Variants in CDH4 observed in about 807,000 individuals in gnomAD.
CDH4 encodes the protein cadherin 4, also known as cadherin-4.
In CDH4, 33 loss-of-function variants were observed where a neutral mutation model predicts 86.0. The observed-to-expected ratio is 0.38, with a 90% CI of 0.29 to 0.51. The LOEUF (loss-of-function observed/expected upper bound fraction) is 0.51. Ranked by LOEUF, CDH4 falls within the 20% of genes least tolerant of loss-of-function variation. CDH4 has a pLI of 0.86. For missense variants in CDH4, 1,114 were observed against 1,307.4 expected (o/e 0.85, Z 2.28); for synonymous variants, 555 against 549.4 (o/e 1.01, Z -0.14).
At chr20:61,620,277 G>A (rs1326113763) in intron 2 of CDH4, among the ~76,000 whole-genome samples, 1 of 151,348 alleles carries the variant, frequency 6.6e-6, no homozygotes, top group East Asian at 1.9e-4. Context: ...GTGGGTAGAT[G>A]GTTGATGGAT....
chr20:61,399,379 G>T lies in CDH4; in HGVS notation c.169+144442G>T, dbSNP rs1374848396. Among the ~76,000 whole-genome samples the T allele has an allele frequency of 1.3e-4, 19 of 146,218 alleles. 7 individuals carry two copies. The highest frequency in any genetic ancestry group is 1.5e-5 in the Non-Finnish European group (1 of 66,776). ...GATCTCCTGACCTCATGATCCACCCGCCTCAGCCTCCCAAAGTGCTGGGAT... is the reference window on the plus strand; with the variant it reads ...GATCTCCTGACCTCATGATCCACCCTCCTCAGCCTCCCAAAGTGCTGGGAT... On this transcript the variant is annotated intron_variant, in intron 2 of 15. Coordinates refer to ENST00000614565, the MANE Select transcript of CDH4 (RefSeq NM_001794.5).
At chr20:61,885,445 T>C (rs909463090) in intron 7 of CDH4, among the ~76,000 whole-genome samples, 1 of 152,200 alleles carries the variant, frequency 6.6e-6, no homozygotes, top group African/African-American at 2.4e-5. Context: ...AGCGTCACCG[T>C]GGTAGTTCGT....
chr20:61,707,016 G>A (rs934681835), intron 2 of CDH4, among the ~76,000 whole-genome samples: 2 of 152,228 alleles, frequency 1.3e-5, no homozygotes, highest in Non-Finnish European at 2.9e-5. Context: ...CAATCTCAAA[G>A]GCAACACTGT....
At chr20:61,798,290 C>A (rs1407205193) in intron 4 of CDH4, among the ~76,000 whole-genome samples, 1 of 152,186 alleles carries the variant, frequency 6.6e-6, no homozygotes, top group Middle Eastern at 3.2e-3. Flanking sequence ...TCCCGCCTCG[C>A]ACGCATCCCC....
chr20:61,793,437 C>A (rs1406029143), intron 4 of CDH4, among the ~76,000 whole-genome samples: 1 of 152,196 alleles, frequency 6.6e-6, no homozygotes, highest in Non-Finnish European at 1.5e-5. Flanking sequence ...TAAAAAGGCT[C>A]TGGGGGCTAG....
Position 61,428,594 on chromosome 20 carries a change from C to A in CDH4, c.169+173657C>A, listed in dbSNP as rs564738674. Among the ~76,000 whole-genome samples, 5 of 152,236 alleles carry A rather than the reference C, an allele frequency of 3.3e-5. No individual in the cohort carries two copies. In the East Asian group the frequency reaches 5.8e-4, roughly 18 times the overall value. On this transcript the variant is annotated intron_variant, in intron 2 of 15. Coordinates refer to ENST00000614565, the MANE Select transcript of CDH4 (RefSeq NM_001794.5). ...TATGCAGTGTTCAATAAGAACAAAC[C>A]ACTGCCCTTTACCACGCGGACCACA...
At chr20:61,459,609 C>A (rs756941217) in intron 2 of CDH4, among the ~76,000 whole-genome samples, 1 of 150,506 alleles carries the variant, frequency 6.6e-6, no homozygotes, top group East Asian at 2.0e-4. Context: ...GGATGGAGAG[C>A]GGGAGGGACA....
chr20:61,881,642 C>T (rs998804855), intron 7 of CDH4, among the ~76,000 whole-genome samples: 1 of 152,140 alleles, frequency 6.6e-6, no homozygotes, highest in Non-Finnish European at 1.5e-5. Context: ...GAAGGGCCAG[C>T]GCCAGGCAGA....
chr20:61,606,797 C>T (rs994613164), intron 2 of CDH4, among the ~76,000 whole-genome samples: 1 of 152,246 alleles, frequency 6.6e-6, no homozygotes, highest in South Asian at 2.1e-4. Flanking sequence ...TCTAATTTGC[C>T]TGAGGTTAAA....
intron 2 of CDH4, among the ~76,000 whole-genome samples, chr20:61,539,978 T>G (rs2086027630): frequency 6.6e-6 from 1 of 152,202 alleles, no homozygotes. Context: ...CTTCCCACCG[T>G]TCTCCTCCCC....
intron 2 of CDH4, among the ~76,000 whole-genome samples, chr20:61,523,838 T>C (rs2085890976): frequency 6.6e-6 from 1 of 152,246 alleles, no homozygotes; most frequent in African/African-American, 2.4e-5. Flanking sequence ...GGAGTTGTAA[T>C]GCCAAGTTTT....
chr20:61,572,419 T>A (rs1006358214), intron 2 of CDH4, among the ~76,000 whole-genome samples: 8 of 152,204 alleles, frequency 5.3e-5, no homozygotes, highest in Non-Finnish European at 1.0e-4. Flanking sequence ...TTTGCCTGGA[T>A]TCAAAGAAGG....
rs182459690 is a variant in CDH4 at position 61,445,397 on chromosome 20, A to G, written c.169+190460A>G. Among the ~76,000 whole-genome samples, 511 of 152,330 alleles carry G rather than the reference A, an allele frequency of 3.4e-3. 1 individual carries two copies. The highest frequency in any genetic ancestry group is 0.014 in the Middle Eastern group (4 of 294). ...GTTGTTGCCCCAGGTCTCTCCTTCA[A>G]AGTGAGTGGCCATAGCACCCCATGC... On this transcript the variant is annotated intron_variant, in intron 2 of 15. Coordinates refer to ENST00000614565, the MANE Select transcript of CDH4 (RefSeq NM_001794.5).
At chr20:61,934,431 G>T (rs563998970) in intron 15 of CDH4, among the ~76,000 whole-genome samples, 1 of 152,320 alleles carries the variant, frequency 6.6e-6, no homozygotes, top group South Asian at 2.1e-4. Context: ...CAAGGATGAG[G>T]ATTCCTCCCT....
At chr20:61,920,736 T>TGTC (rs200739170) in intron 9 of CDH4, among the ~76,000 whole-genome samples, 1 of 145,280 alleles carries the variant, frequency 6.9e-6, no homozygotes, top group African/African-American at 2.6e-5. Context: ...GGAAGCGTGG[T>TGTC]GTGGTGATTG....
At chr20:61,368,778 A>G (rs2084824044) in intron 2 of CDH4, among the ~76,000 whole-genome samples, 1 of 152,096 alleles carries the variant, frequency 6.6e-6, no homozygotes, top group Non-Finnish European at 1.5e-5. Flanking sequence ...TGGCCTCCCA[A>G]AGTGCTGGGA....
intron 2 of CDH4, among the ~76,000 whole-genome samples, chr20:61,315,637 C>T (rs886870070): frequency 6.6e-6 from 1 of 152,176 alleles, no homozygotes; most frequent in Non-Finnish European, 1.5e-5. Flanking sequence ...CTCTCTGTCT[C>T]GTGACAAATT....
At chr20:61,331,145 C>T (rs932350878) in intron 2 of CDH4, among the ~76,000 whole-genome samples, 14 of 152,088 alleles carry the variant, frequency 9.2e-5, no homozygotes, top group Non-Finnish European at 7.4e-5. Context: ...TGTCTTGGGG[C>T]TCGGCGTCTC....
At position 61,636,266 on chromosome 20, in the gene CDH4, A is replaced by G. The variant is rs190703686; in HGVS notation, c.170-107297A>G. 4.6e-3 allele frequency among the ~76,000 whole-genome samples: 702 copies of G among 152,362 alleles called. 5 individuals carry two copies. Among genetic ancestry groups the G allele is most frequent in the African/African-American group, 0.016 (667 of 41,592 alleles). On this transcript the variant is annotated intron_variant, in intron 2 of 15. Coordinates refer to ENST00000614565, the MANE Select transcript of CDH4 (RefSeq NM_001794.5). Reference sequence around the variant, plus strand: ...GAATCGCATAAGAAAAAGCACTCCCAGAGCCTCTCAATGGAATGTGGCAAC... The same window carrying G: ...GAATCGCATAAGAAAAAGCACTCCCGGAGCCTCTCAATGGAATGTGGCAAC...
Sources: allele counts gnomAD v4.1 joint callset (sites outside exome capture counted in the v4.1 genomes callset), GRCh38; gene constraint gnomAD v4.1.1; transcripts MANE v1.5; gene names NCBI Gene and HGNC (gene_info 2026-07-23, HGNC 2026-07-21).